GALNT8: variants seen among roughly 807,000 people sequenced by gnomAD.
GALNT8 encodes polypeptide N-acetylgalactosaminyltransferase 8, also known as probable polypeptide N-acetylgalactosaminyltransferase 8.
Under a neutral mutation model 62.7 loss-of-function variants are expected in GALNT8, and 66 were observed. That is an observed-to-expected ratio of 1.05 (90% CI 0.86 to 1.29). GALNT8 has a LOEUF of 1.29. Among genes scored for constraint, GALNT8 ranks in the 50% most tolerant of loss-of-function variants. The pLI is 0.00. For missense variants in GALNT8, 771 were observed against 791.8 expected (o/e 0.97, Z 0.32); for synonymous variants, 288 against 294.3 (o/e 0.98, Z 0.22).
At position 4,763,459 on chromosome 12, in the gene GALNT8, C is replaced by G. The variant is rs767438244; in HGVS notation, c.1497+69C>G. 6 of 1,308,060 alleles carry G rather than the reference C, an allele frequency of 4.6e-6. No homozygotes were observed. The African/African-American group carries it at 7.3e-5, about 16-fold the overall frequency. The allele number at this position is 1,308,060 out of a possible 1,614,324, so 81.0% of individuals were successfully genotyped here. ...GTGAAAGACAATGCGGCCTGAATCT[C>G]GTGATTGCCTGTCCTGCCCAAGACG... On this transcript the variant is annotated intron_variant, in intron 8 of 10. Coordinates refer to ENST00000252318, the MANE Select transcript of GALNT8 (RefSeq NM_017417.2).
chr12:4,746,053 G>T, intron 5 of GALNT8, 91 bp from the exon 6 acceptor site: 1 of 732,676 alleles, frequency 1.4e-6, no homozygotes. Flanking sequence ...GACTTAGGTA[G>T]AGTTCTGAAG....
intron 2 of GALNT8, among the ~76,000 whole-genome samples, chr12:4,728,012 A>G (rs1159198728): frequency 6.6e-6 from 1 of 152,158 alleles, no homozygotes; most frequent in East Asian, 1.9e-4. Flanking sequence ...ATTTTTCCAC[A>G]TACTCACTAA....
chr12:4,771,203 G>A (rs567384378), intron 10 of GALNT8, among the ~76,000 whole-genome samples: 1 of 152,372 alleles, frequency 6.6e-6, no homozygotes, highest in African/African-American at 2.4e-5. Flanking sequence ...TGAGCCCTGG[G>A]GCCAGGCTGC....
rs781149213 is a variant in GALNT8, at chr12:4,749,093, G to A, written c.1173+2835G>A. Among the ~76,000 whole-genome samples, 9 of 152,036 alleles carry A rather than the reference G, an allele frequency of 5.9e-5. No homozygotes were observed. The highest frequency in any genetic ancestry group is 3.9e-4 in the East Asian group (2 of 5,190). ...GCAACTTTACTGAATTTATCAGTTC[G>A]AATAGTTTTTTGGTGGAGTCTTTAT... On this transcript the variant is annotated intron_variant, in intron 6 of 10. Transcript: ENST00000252318. The surrounding 1 kb of genome is among the most constrained non-coding windows in gnomAD (Gnocchi z 4.1).
intron 7 of GALNT8, among the ~76,000 whole-genome samples, chr12:4,761,776 C>G (rs1252016122): frequency 6.6e-6 from 1 of 152,246 alleles, no homozygotes; most frequent in African/African-American, 2.4e-5. Flanking sequence ...TGCTTAAGGT[C>G]GTGCTGTGCT....
chr12:4,763,183 C>T, intron 7 of GALNT8, 70 bp from the exon 8 acceptor site: 1 of 1,285,694 alleles, frequency 7.8e-7, no homozygotes, highest in Non-Finnish European at 1.1e-6. Context: ...CCTTCTCAGG[C>T]CATATTTAGT....
intron 6 of GALNT8, among the ~76,000 whole-genome samples, chr12:4,756,293 G>A (rs1565388049): frequency 6.6e-6 from 1 of 152,192 alleles, no homozygotes; most frequent in Non-Finnish European, 1.5e-5. Flanking sequence ...GCAATGGAAA[G>A]TAGTCGAAAT....
chr12:4,764,081 C>A, intron 9 of GALNT8, 34 bp downstream of exon 9: 2 of 1,197,820 alleles, frequency 1.7e-6, no homozygotes, highest in Non-Finnish European at 2.5e-6. Flanking sequence ...CCTGCCTGGG[C>A]AAGTCTGTCG....
rs1946314121 is a variant in GALNT8 at position 4,749,600 on chromosome 12, A to T, written c.1173+3342A>T. 6.6e-6 allele frequency among the ~76,000 whole-genome samples: 1 copy of T among 150,804 alleles called. No individual in the cohort carries two copies. The highest frequency in any genetic ancestry group is 1.5e-5 in the Non-Finnish European group (1 of 67,766). The stretch of plus-strand genomic sequence containing the variant: ...TTTTGTGCCAATATTCATCAGAGAT[A>T]TTGGCCTGTAGTTTTCTTTTCTTTT... On this transcript the variant is annotated intron_variant, in intron 6 of 10. Coordinates refer to ENST00000252318, the MANE Select transcript of GALNT8 (RefSeq NM_017417.2). The surrounding 1 kb of genome is among the most constrained non-coding windows in gnomAD (Gnocchi z 4.1).
chr12:4,760,981 C>A lies in GALNT8; in HGVS notation c.1197C>A (p.Val399=). ...AGGTGTGGCAGTGTGGAGGGAAGGT[C>A]GAGATTTTGCCCTGTTCCCGGATTG... ...SLRVWQCGGK[V]EILPCSRIAH... is the part of the protein sequence containing the mutation. Residue 399 remains valine, a synonymous_variant, in exon 7 of 11, where the codon GTC becomes GTA. Coordinates refer to ENST00000252318, the MANE Select transcript of GALNT8 (RefSeq NM_017417.2). 2 of 1,613,894 alleles carry A rather than the reference C, an allele frequency of 1.2e-6. No individual in the cohort carries two copies. Among genetic ancestry groups the A allele is most frequent in the Non-Finnish European group, 1.7e-6 (2 of 1,179,956 alleles).
At chr12:4,771,299 T>C (rs1946423186) in intron 10 of GALNT8, among the ~76,000 whole-genome samples, 1 of 151,046 alleles carries the variant, frequency 6.6e-6, no homozygotes, top group Non-Finnish European at 1.5e-5. Flanking sequence ...GAGAGAGGAG[T>C]GGTGGCAGTG....
In GALNT8 at chr12:4,739,296, G is replaced by A. The variant is rs111635477; in HGVS notation, c.643G>A (p.Glu215Lys). 3.7e-6 allele frequency: 6 copies of A among 1,613,662 alleles called. No individual in the cohort carries two copies. The highest frequency in any genetic ancestry group is 2.7e-5 in the African/African-American group (2 of 74,978). ...INRTPSRLLKEIILVDDFSSN... is the reference protein window; with the variant it reads ...INRTPSRLLKKIILVDDFSSN... ...CCGGACGCCCTCTCGATTGTTGAAG[G>A]AAATCATCTTGGTGGATGATTTCAG... is the stretch of plus-strand genomic sequence containing the variant. The change falls in exon 3 of 11, where the codon GAA (glutamate) becomes AAA (lysine). Residue 215 changes from glutamate (E) to lysine (K), a missense_variant. By Grantham distance (56) the Glu-to-Lys change is moderately conservative (BLOSUM62 1). Coordinates refer to ENST00000252318, the MANE Select transcript of GALNT8 (RefSeq NM_017417.2).
chr12:4,731,242 A>G (rs902778493), intron 2 of GALNT8, among the ~76,000 whole-genome samples: 1 of 152,190 alleles, frequency 6.6e-6, no homozygotes, highest in African/African-American at 2.4e-5. Context: ...ATTCATAAGT[A>G]TTAAGTGTTT....
chr12:4,725,956 G>GCATA (rs1411302852), intron 1 of GALNT8, among the ~76,000 whole-genome samples: 1 of 152,212 alleles, frequency 6.6e-6, no homozygotes, highest in Non-Finnish European at 1.5e-5. Flanking sequence ...AGAAGCAAGG[G>GCATA]CATAGGTGGA....
intron 1 of GALNT8, among the ~76,000 whole-genome samples, chr12:4,725,603 T>C (rs1194603069): frequency 6.9e-6 from 1 of 145,614 alleles, no homozygotes; most frequent in Non-Finnish European, 1.5e-5. Context: ...TTGCCCAGGC[T>C]GGAGTGCAGT....
intron 6 of GALNT8, among the ~76,000 whole-genome samples, chr12:4,758,606 C>CTG (rs67025688): frequency 4.2e-4 from 48 of 113,660 alleles, no homozygotes; most frequent in African/African-American, 1.6e-3. Context: ...CTTAATGTCT[C>CTG]TGTGTGTGTG....
intron 2 of GALNT8, among the ~76,000 whole-genome samples, chr12:4,735,237 T>C (rs1946239208): frequency 6.6e-6 from 1 of 152,254 alleles, no homozygotes; most frequent in Non-Finnish European, 1.5e-5. Context: ...TATTTAAATT[T>C]TTTTTTACAA....
At chr12:4,724,750 A>T (rs187240417) in intron 1 of GALNT8, among the ~76,000 whole-genome samples, 1 of 152,308 alleles carries the variant, frequency 6.6e-6, no homozygotes, top group East Asian at 1.9e-4. Context: ...TTTTTGTCTT[A>T]ACCACTTGAA....
intron 2 of GALNT8, among the ~76,000 whole-genome samples, chr12:4,730,101 T>A (rs1200240731): frequency 6.6e-6 from 1 of 152,190 alleles, no homozygotes; most frequent in Non-Finnish European, 1.5e-5. Flanking sequence ...TCCTTATATA[T>A]TTTGGATATT....
Sources: gnomAD v4.1 joint callset for allele counts (sites outside exome capture counted in the v4.1 genomes callset) on GRCh38, gnomAD v4.1.1 for gene constraint, Gnocchi (gnomAD v3.1) non-coding constraint, MANE v1.5 for transcripts, NCBI Gene and HGNC (gene_info 2026-07-23, HGNC 2026-07-21) for gene names.